Variants in SVIL observed in about 807,000 individuals in gnomAD.
SVIL encodes the protein archvillin.
In SVIL, 101 loss-of-function variants were observed where a neutral mutation model predicts 240.4. That is an observed-to-expected ratio of 0.42 (90% CI 0.36 to 0.50). The LOEUF is 0.50. Ranked by LOEUF, SVIL falls within the 20% of genes least tolerant of loss-of-function variation. The probability of loss-of-function intolerance (pLI) is 0.01; values close to 1 mark genes in which losing one functional copy is unlikely to be tolerated. For missense variants in SVIL, 2,512 were observed against 2,818.7 expected, an observed-to-expected ratio of 0.89 and a Z score of 2.46; for synonymous variants, 999 against 1,100.0, an observed-to-expected ratio of 0.91 and a Z score of 1.82.
At chr10:29,607,970 T>C (rs1247422) in intron 1 of SVIL, among the ~76,000 whole-genome samples, 61,376 of 152,148 alleles carry the variant, frequency 0.4, 12,477 homozygotes, top group Admixed American at 0.42. Context: ...GAATAATTTG[T>C]TATGAGATTA....
chr10:29,597,582 T>C (rs1021349320), intron 1 of SVIL, among the ~76,000 whole-genome samples: 19 of 152,034 alleles, frequency 1.2e-4, no homozygotes, highest in Non-Finnish European at 1.9e-4. Context: ...GTATTTTTAG[T>C]AGAGACGGGT....
intron 1 of SVIL, among the ~76,000 whole-genome samples, chr10:29,692,983 G>C (rs1371351555): frequency 1.3e-5 from 2 of 152,120 alleles, no homozygotes; most frequent in African/African-American, 4.8e-5. Flanking sequence ...CGCTAAGCTT[G>C]TGGGAGTTAT....
intron 3 of SVIL, among the ~76,000 whole-genome samples, chr10:29,642,728 G>A (rs1958530908): frequency 6.6e-6 from 1 of 152,080 alleles, no homozygotes; most frequent in Admixed American, 6.5e-5. Context: ...CTGTCGCCCA[G>A]GCTGGAGTGC....
chr10:29,550,923 G>T lies in SVIL; in HGVS notation c.501C>A (p.Tyr167Ter). 1 of 1,614,054 alleles carries T rather than the reference G, an allele frequency of 6.2e-7. No homozygotes were observed. Among genetic ancestry groups the T allele is most frequent in the Non-Finnish European group, 8.5e-7 (1 of 1,180,016 alleles). Reference sequence around the variant, plus strand: ...TGAGCCCCATCGTCTCGGTCCCGGGGTACAGAGAACTAGCATCTCTGCTTG... The same window carrying T: ...TGAGCCCCATCGTCTCGGTCCCGGGTTACAGAGAACTAGCATCTCTGCTTG... Reference protein sequence around the residue: ...EESSRDASSLYPGTETMGLRT... With the variant: ...EESSRDASSL Residue 167 changes from tyrosine to a stop codon, truncating the protein, a stop_gained, in exon 6 of 38, where the codon TAC (tyrosine) becomes TAA (stop). Transcript: ENST00000355867. LOFTEE classifies it high-confidence loss of function.
intron 33 of SVIL, 39 bp from the exon 34 acceptor site, chr10:29,465,789 G>A (rs1944842719): frequency 1.3e-6 from 2 of 1,596,106 alleles, no homozygotes; most frequent in South Asian, 1.1e-5. Context: ...GATATCATGT[G>A]CATCAAAGTA....
chr10:29,544,742 T>G (rs1589188663), intron 6 of SVIL, among the ~76,000 whole-genome samples: 3 of 115,616 alleles, frequency 2.6e-5, no homozygotes. Context: ...GGCAACAGAG[T>G]GAGACCTTTT....
chr10:29,510,609 C>T (rs1264882375), intron 17 of SVIL, among the ~76,000 whole-genome samples: 3 of 152,008 alleles, frequency 2.0e-5, no homozygotes, highest in Non-Finnish European at 2.9e-5. Flanking sequence ...TGGAAGGTTC[C>T]GGCACCTGCT....
chr10:29,657,997 C>T (rs989803096), exon 3 of SVIL: 6 of 152,308 alleles, frequency 3.9e-5, no homozygotes, highest in Non-Finnish European at 5.9e-5. Context: ...ATCATGGCTT[C>T]GATGTGAAAT....
At chr10:29,691,281 G>A (rs1178111963) in intron 1 of SVIL, among the ~76,000 whole-genome samples, 1 of 150,124 alleles carries the variant, frequency 6.7e-6, no homozygotes, top group Non-Finnish European at 1.5e-5. Flanking sequence ...GTGCGATCTC[G>A]GCTCACTGCA....
chr10:29,727,812 G>C (rs1337434234), intron 1 of SVIL, among the ~76,000 whole-genome samples: 4 of 152,028 alleles, frequency 2.6e-5, no homozygotes, highest in African/African-American at 9.7e-5. Flanking sequence ...CAAGTGCCAG[G>C]TGGGAGGGCT....
Position 29,524,010 on chromosome 10 carries a change from G to A in SVIL, c.2604C>T (p.Leu868=), listed in dbSNP as rs756925645. The change falls in exon 15 of 38, where the codon CTC becomes CTT. Residue 868 remains leucine (L), a synonymous_variant. Transcript: ENST00000355867. ...TGTTCACGGCAGGTGAGAAAGGAAT[G>A]AGCTTTCCACTCTGCACCTGGAAGG... ...GEVEQVQSGK[L]IPFSPAVNTS... The A allele has an allele frequency of 3.1e-6, 5 of 1,611,620 alleles. No homozygotes were observed. Among genetic ancestry groups the A allele is most frequent in the Non-Finnish European group, 4.2e-6 (5 of 1,178,512 alleles).
intron 32 of SVIL, 144 bp downstream of exon 32, chr10:29,470,132 C>A (rs1313996901): frequency 5.6e-6 from 5 of 890,246 alleles, no homozygotes; most frequent in Non-Finnish European, 8.8e-6. Flanking sequence ...ATGTCAGAGG[C>A]CCCTGACCAC....
intron 1 of SVIL, among the ~76,000 whole-genome samples, chr10:29,710,456 G>T (rs1288925214): frequency 6.6e-6 from 1 of 152,168 alleles, no homozygotes; most frequent in Admixed American, 6.5e-5. Flanking sequence ...AAATCTGTGT[G>T]ATTTTTGTGT....
chr10:29,479,337 G>T (rs1054621181), intron 29 of SVIL, among the ~76,000 whole-genome samples: 6 of 152,214 alleles, frequency 3.9e-5, no homozygotes, highest in East Asian at 1.9e-4. Flanking sequence ...CTTCAGGCAG[G>T]TTCCTTGATC....
At chr10:29,644,544 T>A (rs1958593685) in intron 3 of SVIL, among the ~76,000 whole-genome samples, 1 of 152,020 alleles carries the variant, frequency 6.6e-6, no homozygotes, top group African/African-American at 2.4e-5. Flanking sequence ...AAGCTTGTAA[T>A]AGAGTGGAAC....
At chr10:29,545,117 G>C (rs775935109) in intron 6 of SVIL, 1 of 533,660 alleles carries the variant, frequency 1.9e-6, no homozygotes, top group Non-Finnish European at 3.8e-6. Context: ...ACCTCTCTCA[G>C]TGCATGGAAA....
chr10:29,552,220 G>A (rs113772858), intron 5 of SVIL, among the ~76,000 whole-genome samples: 128 of 135,206 alleles, frequency 9.5e-4, no homozygotes, highest in African/African-American at 3.5e-3. Flanking sequence ...TTATAAAATA[G>A]TTAGTTATTA....
At chr10:29,673,742 G>A (rs555444851) in intron 2 of SVIL, among the ~76,000 whole-genome samples, 7 of 152,098 alleles carry the variant, frequency 4.6e-5, no homozygotes, top group African/African-American at 1.7e-4. Context: ...TCCCTCCCTC[G>A]ATGTGTGGGG....
intron 2 of SVIL, among the ~76,000 whole-genome samples, chr10:29,663,772 G>A (rs1210214912): frequency 6.6e-6 from 1 of 152,234 alleles, no homozygotes; most frequent in African/African-American, 2.4e-5. Flanking sequence ...TGAGCCCCAT[G>A]CTCAACAAAG....
Sources: allele counts gnomAD v4.1 joint callset (sites outside exome capture counted in the v4.1 genomes callset), GRCh38; gene constraint gnomAD v4.1.1; transcripts MANE v1.5; gene names NCBI Gene and HGNC (gene_info 2026-07-23, HGNC 2026-07-21).